UNC5D: variants seen among roughly 807,000 people sequenced by gnomAD.
UNC5D encodes the protein netrin receptor UNC5D.
A neutral mutation model predicts 105.4 loss-of-function variants in UNC5D; 39 were observed. That is an observed-to-expected ratio of 0.37 (90% CI 0.29 to 0.48). The LOEUF (loss-of-function observed/expected upper bound fraction) is 0.48. Among genes scored for constraint, UNC5D ranks in the 20% least tolerant of loss-of-function variants. The probability of loss-of-function intolerance (pLI) is 0.98; values close to 1 mark genes in which losing one functional copy is unlikely to be tolerated. For missense variants in UNC5D, 991 were observed against 1,202.4 expected (o/e 0.82, Z 2.60); for synonymous variants, 452 against 450.4 (o/e 1.00, Z -0.04).
intron 1 of UNC5D, among the ~76,000 whole-genome samples, chr8:35,485,092 G>T (rs781219382): frequency 6.6e-6 from 1 of 152,042 alleles, no homozygotes; most frequent in African/African-American, 2.4e-5. Context: ...TCATTGGATC[G>T]CTCTCCCCTA....
At chr8:35,335,517 T>A (rs1810956715) in intron 1 of UNC5D, among the ~76,000 whole-genome samples, 1 of 152,238 alleles carries the variant, frequency 6.6e-6, no homozygotes, top group South Asian at 2.1e-4. Flanking sequence ...ATGTTTTTGT[T>A]AAGTTTAACA....
intron 3 of UNC5D, among the ~76,000 whole-genome samples, chr8:35,583,154 C>T (rs532141865): frequency 6.6e-6 from 1 of 152,144 alleles, no homozygotes; most frequent in Admixed American, 6.6e-5. Context: ...GAGTTAGAGA[C>T]CAGCCTGGGC....
At chr8:35,758,905 A>AG (rs1830633858) in intron 13 of UNC5D, among the ~76,000 whole-genome samples, 1 of 152,130 alleles carries the variant, frequency 6.6e-6, no homozygotes, top group Admixed American at 6.6e-5. Flanking sequence ...ACCAGAATGG[A>AG]GGGGGGCTGT....
intron 1 of UNC5D, among the ~76,000 whole-genome samples, chr8:35,386,815 C>T (rs947668676): frequency 3.3e-5 from 5 of 152,110 alleles, no homozygotes; most frequent in South Asian, 4.1e-4. Context: ...CTTACCTTTC[C>T]TTTGAAAGCT....
At chr8:35,755,162 A>T (rs1830457309) in intron 13 of UNC5D, among the ~76,000 whole-genome samples, 2 of 152,198 alleles carry the variant, frequency 1.3e-5, no homozygotes, top group South Asian at 4.1e-4. Context: ...TTTATTACAC[A>T]CGAACACACA....
intron 1 of UNC5D, among the ~76,000 whole-genome samples, chr8:35,437,081 T>G (rs1365722885): frequency 6.6e-6 from 1 of 151,984 alleles, no homozygotes; most frequent in Non-Finnish European, 1.5e-5. Context: ...CATAAGAAAT[T>G]TCCTGCCTCA....
intron 1 of UNC5D, among the ~76,000 whole-genome samples, chr8:35,484,786 A>G (rs1810722352): frequency 6.6e-6 from 1 of 152,162 alleles, no homozygotes; most frequent in East Asian, 1.9e-4. Context: ...CAAGCACTTC[A>G]TATCTCTTGC....
At chr8:35,275,642 C>T (rs1440311959) in intron 1 of UNC5D, among the ~76,000 whole-genome samples, 2 of 152,194 alleles carry the variant, frequency 1.3e-5, no homozygotes, top group African/African-American at 2.4e-5. Flanking sequence ...ATCTGGCATA[C>T]GTAGAATCTA....
intron 8 of UNC5D, among the ~76,000 whole-genome samples, chr8:35,718,834 G>A (rs1159971020): frequency 1.3e-5 from 2 of 152,064 alleles, no homozygotes; most frequent in Non-Finnish European, 2.9e-5. Flanking sequence ...AGGGGTCGGG[G>A]GGTATATGTT....
At chr8:35,749,027 G>C (rs1484360382) in intron 12 of UNC5D, among the ~76,000 whole-genome samples, 2 of 152,118 alleles carry the variant, frequency 1.3e-5, no homozygotes, top group Non-Finnish European at 2.9e-5. Context: ...TTATTCTGTG[G>C]CCTCTGTGGA....
At chr8:35,736,522 C>G (rs189796755) in intron 11 of UNC5D, among the ~76,000 whole-genome samples, 101 of 152,252 alleles carry the variant, frequency 6.6e-4, no homozygotes, top group Non-Finnish European at 5.6e-4. Context: ...TTAACAATTA[C>G]TAGGAAAACC....
intron 1 of UNC5D, among the ~76,000 whole-genome samples, chr8:35,538,402 TATA>T (rs1815014242): frequency 3.2e-5 from 1 of 31,454 alleles, no homozygotes; most frequent in Non-Finnish European, 5.1e-5. Flanking sequence ...TAATTATATA[TATA>T]TATATATATA....
chr8:35,670,027 C>T (rs531760024), intron 4 of UNC5D, among the ~76,000 whole-genome samples: 8 of 152,118 alleles, frequency 5.3e-5, no homozygotes, highest in African/African-American at 1.9e-4. Context: ...TGCAGTAAGA[C>T]GTGGAACAGG....
intron 1 of UNC5D, among the ~76,000 whole-genome samples, chr8:35,443,318 G>A (rs551448159): frequency 6.6e-6 from 1 of 151,772 alleles, no homozygotes; most frequent in East Asian, 2.0e-4. Context: ...AAATGAGGAA[G>A]GATCTAGGGG....
chr8:35,494,099 A>C (rs1474305266), intron 1 of UNC5D, among the ~76,000 whole-genome samples: 5 of 152,014 alleles, frequency 3.3e-5, no homozygotes, highest in African/African-American at 1.2e-4. Context: ...TTTTTTGTCT[A>C]TTCTGAATTT....
At chr8:35,264,503 G>T (rs998566891) in intron 1 of UNC5D, among the ~76,000 whole-genome samples, 1 of 152,092 alleles carries the variant, frequency 6.6e-6, no homozygotes, top group African/African-American at 2.4e-5. Context: ...CGAGGTGGGT[G>T]GATCACCTGA....
rs928340458 is a variant in UNC5D at position 35,438,415 on chromosome 8, G to A, written c.104-110877G>A. Among the ~76,000 whole-genome samples the A allele has an allele frequency of 3.9e-5, 6 of 152,140 alleles. No homozygotes were observed. In the East Asian group the frequency reaches 1.2e-3, roughly 29 times the overall value. On this transcript the variant is annotated intron_variant, in intron 1 of 16. Transcript: ENST00000404895. ...CACAGGATTAGGATAACTTTAAGAT[G>A]TATCATTCCAACTCAGATGGTTTGG...
chr8:35,494,826 A>T (rs1563471782), intron 1 of UNC5D, among the ~76,000 whole-genome samples: 1 of 152,164 alleles, frequency 6.6e-6, no homozygotes, highest in Non-Finnish European at 1.5e-5. Flanking sequence ...CTATCGTGTG[A>T]AAAAGGACTT....
intron 1 of UNC5D, among the ~76,000 whole-genome samples, chr8:35,239,260 G>A (rs904357745): frequency 6.6e-6 from 1 of 152,186 alleles, no homozygotes; most frequent in Admixed American, 6.5e-5. Context: ...ATTTGGAGCT[G>A]TGGATCCTTT....
Sources: gnomAD v4.1 joint callset for allele counts (sites outside exome capture counted in the v4.1 genomes callset) on GRCh38, gnomAD v4.1.1 for gene constraint, MANE v1.5 for transcripts, NCBI Gene and HGNC (gene_info 2026-07-23, HGNC 2026-07-21) for gene names.